The following IRF8 variants were observed in gnomAD, a reference collection of about 807,000 sequenced individuals.
IRF8 encodes interferon consensus sequence binding protein 1.
IRF8 carries 14 observed loss-of-function variants against 48.7 expected under a neutral mutation model. The observed-to-expected ratio is 0.29, with a 90% CI of 0.19 to 0.45. The LOEUF (loss-of-function observed/expected upper bound fraction) is 0.45. Ranked by LOEUF, IRF8 falls within the 20% of genes least tolerant of loss-of-function variation. IRF8 has a pLI of 1.00. For synonymous variants in IRF8, 278 were observed against 227.3 expected, an observed-to-expected ratio of 1.22 and a Z score of -2.01; for missense variants, 493 against 580.7, an observed-to-expected ratio of 0.85 and a Z score of 1.55.
chr16:85,903,581 G>C (rs1011050153), intron 2 of IRF8: 2 of 276,892 alleles, frequency 7.2e-6, no homozygotes, highest in African/African-American at 4.4e-5. Flanking sequence ...TTTCAAAGCT[G>C]ATACTTCTGC....
intron 8 of IRF8, 69 bp downstream of exon 8, chr16:85,920,293 C>T (rs956635246): frequency 1.1e-5 from 12 of 1,046,948 alleles, no homozygotes; most frequent in Non-Finnish European, 1.5e-5. Flanking sequence ...GTTGCCCAGG[C>T]TGGTGTGCAA....
intron 1 of IRF8, among the ~76,000 whole-genome samples, chr16:85,899,927 C>G (rs1044974778): frequency 1.3e-5 from 2 of 152,298 alleles, no homozygotes; most frequent in East Asian, 1.9e-4. Context: ...CGGATGGAAA[C>G]TAGAGACTGA....
intron 3 of IRF8, among the ~76,000 whole-genome samples, chr16:85,910,653 G>A (rs1905116421): frequency 6.6e-6 from 1 of 152,196 alleles, no homozygotes; most frequent in Non-Finnish European, 1.5e-5. Flanking sequence ...TAAAGAAGCA[G>A]CAGGAGGTTC....
Position 85,903,015 on chromosome 16 carries a change from G to A in IRF8, c.-1G>A. On this transcript the variant is annotated splice_region_variant and 5_prime_UTR_variant, in exon 2 of 9. Coordinates refer to ENST00000268638, the MANE Select transcript of IRF8 (RefSeq NM_002163.4). ...CAGCGTGTATTTCTGTCTTTCCAAG[G>A]ATGTGTGACCGGAATGGTGGTCGGC... 1 of 1,614,106 alleles carries A rather than the reference G, an allele frequency of 6.2e-7. No individual in the cohort carries two copies. The highest frequency in any genetic ancestry group is 8.5e-7 in the Non-Finnish European group (1 of 1,179,958).
In IRF8 at chr16:85,914,511, C is replaced by T. The variant is rs774048246; in HGVS notation, c.592C>T (p.His198Tyr). ...LVTGYTTYDA[H>Y]HSAFSQMVIS... ...GACGGGGTACACCACCTACGACGCG[C>T]ACCATTCAGGTACGGGGTGGTCCGG... Residue 198 changes from histidine (H) to tyrosine (Y), a missense_variant, in exon 6 of 9, where the codon CAC becomes TAC. Physicochemically the swap from His to Tyr is moderately conservative, Grantham distance 83. This residue lies in a region of IRF8 where 408 missense variants were observed against 449.6 expected (regional missense o/e 0.91). Transcript: ENST00000268638. 1.2e-6 allele frequency: 2 copies of T among 1,614,140 alleles called. No individual in the cohort carries two copies. The highest frequency in any genetic ancestry group is 2.2e-5 in the South Asian group (2 of 91,088).
chr16:85,919,887 G>T (rs11866752), intron 7 of IRF8, among the ~76,000 whole-genome samples: 7,444 of 152,312 alleles, frequency 0.049, 608 homozygotes, highest in African/African-American at 0.17. Context: ...CCCATGGAGA[G>T]GCGTTCAAAC....
At chr16:85,904,706 A>G (rs1318311448) in intron 2 of IRF8, among the ~76,000 whole-genome samples, 2 of 151,968 alleles carry the variant, frequency 1.3e-5, no homozygotes, top group African/African-American at 4.8e-5. Context: ...TTTCTGATCA[A>G]GGACCCCAGG....
At chr16:85,907,346 C>T (rs1451630278) in intron 2 of IRF8, among the ~76,000 whole-genome samples, 1 of 152,302 alleles carries the variant, frequency 6.6e-6, no homozygotes, top group East Asian at 1.9e-4. Context: ...AGTGTGGTCT[C>T]CTGGGTAGCT....
chr16:85,906,279 G>A (rs1022461996), intron 2 of IRF8, among the ~76,000 whole-genome samples: 4 of 152,184 alleles, frequency 2.6e-5, no homozygotes, highest in East Asian at 1.9e-4. Context: ...TGAGTTGTGC[G>A]TCAACAGGAG....
At chr16:85,913,969 T>A (rs1905221278) in intron 5 of IRF8, 1 of 192,376 alleles carries the variant, frequency 5.2e-6, no homozygotes, top group South Asian at 9.9e-5. Context: ...TAGCCCTACA[T>A]CCCCTGTGGG....
chr16:85,919,383 T>C (rs1437641380), intron 7 of IRF8, among the ~76,000 whole-genome samples: 1 of 152,124 alleles, frequency 6.6e-6, no homozygotes, highest in Non-Finnish European at 1.5e-5. Context: ...GTCCCCATGC[T>C]CTCTGCTCCT....
intron 6 of IRF8, among the ~76,000 whole-genome samples, chr16:85,916,361 C>T (rs543498060): frequency 6.6e-6 from 1 of 152,244 alleles, no homozygotes; most frequent in Non-Finnish European, 1.5e-5. Context: ...GTTGCTGCCT[C>T]TGTGGTCAGG....
intron 5 of IRF8, among the ~76,000 whole-genome samples, chr16:85,913,502 C>CCA (rs201782886): frequency 2.0e-5 from 3 of 152,352 alleles, no homozygotes; most frequent in Non-Finnish European, 4.4e-5. Flanking sequence ...CAGCTCTCCC[C>CCA]ACGCTCCTGG....
At chr16:85,920,733 T>G (rs1180748163) in intron 8 of IRF8, among the ~76,000 whole-genome samples, 1 of 146,744 alleles carries the variant, frequency 6.8e-6, no homozygotes. Context: ...GCGCACAGTC[T>G]GTGTGTGTGT....
rs765476821 is a variant in IRF8 at position 85,918,519 on chromosome 16, G to T, written c.704G>T (p.Gly235Val). The part of the protein sequence containing the change: ...EGCRLSLSQP[G>V]LPGTKLYGPE... ...TGCCGCCTGTCCCTGAGCCAGCCTG[G>T]GCTGCCCGGCACCAAGCTGTATGGG... The change falls in exon 7 of 9, where the codon GGG (glycine) becomes GTG (valine). Residue 235 changes from glycine (G) to valine (V), a missense_variant. Gly to Val is a moderately radical substitution (Grantham distance 109). Transcript: ENST00000268638. The T allele has an allele frequency of 2.5e-6, 4 of 1,598,136 alleles. No homozygotes were observed. Among genetic ancestry groups the T allele is most frequent in the Non-Finnish European group, 2.5e-6 (3 of 1,176,918 alleles).
chr16:85,920,241 T>C lies in IRF8; in HGVS notation c.1104+17T>C. The C allele has an allele frequency of 2.8e-5, 6 of 213,896 alleles. No individual in the cohort carries two copies. The highest frequency in any genetic ancestry group is 4.5e-5 in the Non-Finnish European group (6 of 133,402). 13.2% of individuals were successfully genotyped at this position (213,896 alleles called of 1,614,324 possible). The stretch of plus-strand genomic sequence containing the variant: ...CTCGTGCAGGTAAGTATGGGCAGCT[T>C]TTTTTTTTTTTTTTTTTTTTTTTGA... On this transcript the variant is annotated intron_variant, in intron 8 of 8. Coordinates refer to ENST00000268638, the MANE Select transcript of IRF8 (RefSeq NM_002163.4).
intron 6 of IRF8, 123 bp from the exon 7 acceptor site, chr16:85,918,294 A>T: frequency 8.9e-7 from 1 of 1,117,838 alleles, no homozygotes; most frequent in Non-Finnish European, 1.3e-6. Flanking sequence ...TCCCCAGAAT[A>T]TCAAAGTGGT....
At position 85,911,556 on chromosome 16, in the gene IRF8, C is replaced by T. The variant is rs1459586571; in HGVS notation, c.359-14C>T. 4 of 1,612,374 alleles carry T rather than the reference C, an allele frequency of 2.5e-6. No individual in the cohort carries two copies. The South Asian group carries it at 4.4e-5, about 18-fold the overall frequency. On this transcript the variant is annotated splice_polypyrimidine_tract_variant and intron_variant, in intron 3 of 8. Transcript: ENST00000268638. ...CCGTGCCATGTGTCATGGTGTTTGT[C>T]TGGTTTTCTGTAGGCAAACTAGGCG...
In IRF8 at chr16:85,912,374, G is replaced by T. The variant is rs562068541; in HGVS notation, c.447+716G>T. 4.1e-4 allele frequency among the ~76,000 whole-genome samples: 63 copies of T among 152,360 alleles called. 1 individual carries two copies. The highest frequency in any genetic ancestry group is 8.4e-4 in the Non-Finnish European group (57 of 68,040). On this transcript the variant is annotated intron_variant, in intron 4 of 8. Transcript: ENST00000268638. ...GTGCAGCCTTTGCAAAAGGTTGTGT[G>T]TGAGTACTGCATAAATTCTTCTTCT...
Sources: gnomAD v4.1 joint callset for allele counts (sites outside exome capture counted in the v4.1 genomes callset) on GRCh38, gnomAD v4.1.1 for gene constraint, gnomAD v4.1.1 regional missense constraint, MANE v1.5 for transcripts, NCBI Gene and HGNC (gene_info 2026-07-23, HGNC 2026-07-21) for gene names.